GARRE1: variants seen among roughly 807,000 people sequenced by gnomAD.
GARRE1 encodes the protein granule associated Rac and RHOG effector protein 1.
In GARRE1, 49 loss-of-function variants were observed where a neutral mutation model predicts 103.2. The observed-to-expected ratio is 0.47, with a 90% CI of 0.38 to 0.60. The LOEUF is 0.60. Ranked by LOEUF, GARRE1 falls within the 20% of genes least tolerant of loss-of-function variation. The probability of loss-of-function intolerance (pLI) is 0.00; values close to 1 mark genes in which losing one functional copy is unlikely to be tolerated. For missense variants in GARRE1, 1,199 were observed against 1,370.5 expected, an observed-to-expected ratio of 0.87 and a Z score of 1.98; for synonymous variants, 505 against 532.8, an observed-to-expected ratio of 0.95 and a Z score of 0.72.
chr19:34,349,220 C>G, intron 12 of GARRE1, 67 bp downstream of exon 12: 1 of 1,533,118 alleles, frequency 6.5e-7, no homozygotes, highest in Non-Finnish European at 8.9e-7. Flanking sequence ...TGGCTCACTC[C>G]CTGGGAAAGC....
chr19:34,350,310 G>A (rs1020367543), intron 12 of GARRE1, among the ~76,000 whole-genome samples: 6 of 152,154 alleles, frequency 3.9e-5, no homozygotes, highest in Non-Finnish European at 5.9e-5. Flanking sequence ...TGTGAAGGGC[G>A]CCATGAACTG....
intron 1 of GARRE1, among the ~76,000 whole-genome samples, chr19:34,266,460 C>T (rs558562896): frequency 2.4e-4 from 37 of 152,192 alleles, no homozygotes; most frequent in Non-Finnish European, 5.1e-4. Context: ...CTCCGGGGTT[C>T]AAGCGATTCC....
At chr19:34,323,284 G>T (rs957601713) in intron 3 of GARRE1, among the ~76,000 whole-genome samples, 8 of 152,132 alleles carry the variant, frequency 5.3e-5, no homozygotes, top group Admixed American at 2.6e-4. Context: ...GCCCGCCTCA[G>T]CCTCCCAAAG....
intron 1 of GARRE1, among the ~76,000 whole-genome samples, chr19:34,255,934 C>A (rs1409128063): frequency 6.6e-6 from 1 of 151,776 alleles, no homozygotes; most frequent in Admixed American, 6.6e-5. Context: ...CTTAGCCTCC[C>A]GGGTTCGAGC....
chr19:34,286,781 G>A (rs536025283), intron 1 of GARRE1, among the ~76,000 whole-genome samples: 10 of 152,250 alleles, frequency 6.6e-5, no homozygotes, highest in African/African-American at 2.4e-4. Context: ...GATTACAGGC[G>A]TGAGCCACCA....
chr19:34,342,207 A>C lies in GARRE1; in HGVS notation c.2273A>C (p.His758Pro), dbSNP rs116475126. The C allele has an allele frequency of 1.6e-4, 263 of 1,614,188 alleles. No homozygotes were observed. In the African/African-American group the frequency reaches 3.1e-3, roughly 19 times the overall value. The change falls in exon 10 of 14, where the codon CAT becomes CCT. Residue 758 changes from histidine to proline, a missense_variant. By Grantham distance (77) the His-to-Pro change is moderately conservative. Transcript: ENST00000299505. ...CCTCGGGCACCTGGGAAATGGGTAC[A>C]TGGCTCATCCCAGCAGCCAGCGCAG... The part of the protein sequence containing the change: ...PQPRAPGKWV[H>P]GSSQQPAQAV...
chr19:34,301,752 G>A (rs1336787192), intron 2 of GARRE1, among the ~76,000 whole-genome samples: 7 of 149,200 alleles, frequency 4.7e-5, no homozygotes, highest in East Asian at 2.0e-4. Context: ...GCACGATCTC[G>A]GCTCACTGCA....
chr19:34,340,323 T>C (rs945765378), intron 9 of GARRE1, among the ~76,000 whole-genome samples: 3 of 152,176 alleles, frequency 2.0e-5, no homozygotes, highest in Admixed American at 2.0e-4. Flanking sequence ...TTTAGAAAAT[T>C]TGCTTATGTC....
intron 2 of GARRE1, among the ~76,000 whole-genome samples, chr19:34,302,641 C>T (rs896131111): frequency 2.9e-4 from 43 of 150,840 alleles, no homozygotes; most frequent in Non-Finnish European, 4.0e-4. Context: ...GAGTCCCACA[C>T]GTTTATAGAA....
At chr19:34,332,096 T>G (rs2074140718) in intron 7 of GARRE1, among the ~76,000 whole-genome samples, 1 of 152,200 alleles carries the variant, frequency 6.6e-6, no homozygotes, top group African/African-American at 2.4e-5. Context: ...TCCTACTTTA[T>G]TCACAAAAAG....
chr19:34,267,061 C>G (rs2073757117), intron 1 of GARRE1, among the ~76,000 whole-genome samples: 1 of 152,028 alleles, frequency 6.6e-6, no homozygotes, highest in Non-Finnish European at 1.5e-5. Flanking sequence ...GCCAGGAGTT[C>G]GAGACCAACC....
At chr19:34,260,995 A>G (rs1269398754) in intron 1 of GARRE1, among the ~76,000 whole-genome samples, 1 of 152,148 alleles carries the variant, frequency 6.6e-6, no homozygotes, top group Non-Finnish European at 1.5e-5. Context: ...TGGGGGCCTG[A>G]CCAGAGGAGC....
intron 1 of GARRE1, among the ~76,000 whole-genome samples, chr19:34,259,952 A>G (rs1201387569): frequency 1.3e-5 from 2 of 152,218 alleles, no homozygotes; most frequent in African/African-American, 4.8e-5. Flanking sequence ...TGCCATGTGA[A>G]GAAGGACGTG....
intron 2 of GARRE1, among the ~76,000 whole-genome samples, chr19:34,311,621 C>A (rs1047822287): frequency 6.6e-6 from 1 of 151,796 alleles, no homozygotes; most frequent in South Asian, 2.1e-4. Flanking sequence ...TTTCTTTTCC[C>A]CCCTCTGAGA....
At chr19:34,318,818 G>C (rs1369854920) in intron 2 of GARRE1, among the ~76,000 whole-genome samples, 2 of 152,108 alleles carry the variant, frequency 1.3e-5, no homozygotes, top group Non-Finnish European at 2.9e-5. Context: ...GAGGCAGGTG[G>C]ATCACCTGAG....
chr19:34,288,331 A>G (rs530904016), intron 1 of GARRE1, among the ~76,000 whole-genome samples: 61 of 152,078 alleles, frequency 4.0e-4, no homozygotes, highest in African/African-American at 1.4e-3. Context: ...CAATTTCTCA[A>G]AGGAAACTGT....
chr19:34,255,949 C>T (rs1482443618), intron 1 of GARRE1, among the ~76,000 whole-genome samples: 2 of 151,782 alleles, frequency 1.3e-5, no homozygotes, highest in East Asian at 3.9e-4. Flanking sequence ...TCGAGCGATT[C>T]TCCTGCTTTA....
chr19:34,268,002 G>A (rs369027651), intron 1 of GARRE1, among the ~76,000 whole-genome samples: 1 of 151,604 alleles, frequency 6.6e-6, no homozygotes, highest in African/African-American at 2.4e-5. Context: ...TCGAACTCTT[G>A]ACCTCGTGAT....
chr19:34,275,122 T>A (rs2073809340), intron 1 of GARRE1, among the ~76,000 whole-genome samples: 1 of 152,060 alleles, frequency 6.6e-6, no homozygotes, highest in Non-Finnish European at 1.5e-5. Context: ...GGGTAGATAT[T>A]TGGATTTGCA....
Sources: allele counts gnomAD v4.1 joint callset (sites outside exome capture counted in the v4.1 genomes callset), GRCh38; gene constraint gnomAD v4.1.1; transcripts MANE v1.5; gene names NCBI Gene and HGNC (gene_info 2026-07-23, HGNC 2026-07-21).